The following STOX2 variants were observed in gnomAD, a reference collection of about 807,000 sequenced individuals.
STOX2 encodes storkhead-box protein 2.
Under a neutral mutation model 60.9 loss-of-function variants are expected in STOX2, and 28 were observed. The ratio of observed to expected loss-of-function variants is 0.46; its 90% CI spans 0.34 to 0.63. The LOEUF is 0.63. STOX2 is among the 30% of genes least tolerant of loss of function. The pLI, the probability that STOX2 is intolerant of heterozygous loss-of-function variation, is 0.01. For synonymous variants in STOX2, 472 were observed against 463.9 expected (o/e 1.02, Z -0.22); for missense variants, 1,024 against 1,187.7 (o/e 0.86, Z 2.03).
intron 1 of STOX2, among the ~76,000 whole-genome samples, chr4:183,814,766 G>A (rs1427095391): frequency 6.6e-6 from 1 of 152,090 alleles, no homozygotes; most frequent in Non-Finnish European, 1.5e-5. Context: ...TCCGTTTGTT[G>A]GGTACAACAC....
intron 1 of STOX2, among the ~76,000 whole-genome samples, chr4:183,986,364 A>G (rs1386741567): frequency 6.6e-6 from 1 of 152,248 alleles, no homozygotes; most frequent in Non-Finnish European, 1.5e-5. Context: ...CAGATAGTCC[A>G]GGACAGGGAG....
intron 3 of STOX2, among the ~76,000 whole-genome samples, chr4:184,013,177 T>G (rs1308321178): frequency 6.6e-6 from 1 of 152,198 alleles, no homozygotes; most frequent in Non-Finnish European, 1.5e-5. Context: ...TAAGGAGACA[T>G]TGGGAGTAGT....
intron 1 of STOX2, chr4:183,798,884 C>A: frequency 5.0e-6 from 2 of 400,158 alleles, no homozygotes; most frequent in Non-Finnish European, 6.1e-6. Flanking sequence ...GAGTTTTGTA[C>A]TTTGGGTTTT....
chr4:183,833,164 T>C (rs1424913377), intron 1 of STOX2, among the ~76,000 whole-genome samples: 4 of 152,226 alleles, frequency 2.6e-5, no homozygotes, highest in Non-Finnish European at 5.9e-5. Flanking sequence ...GACAGTTCTT[T>C]TTTTATTGCC....
At chr4:183,877,118 T>TA in intron 1 of STOX2, among the ~76,000 whole-genome samples, 1 of 152,232 alleles carries the variant, frequency 6.6e-6, no homozygotes, top group Admixed American at 6.5e-5. Flanking sequence ...GGACCAAAAC[T>TA]AAAAAAATTA....
intron 1 of STOX2, among the ~76,000 whole-genome samples, chr4:183,936,603 T>A (rs1742598866): frequency 6.6e-6 from 1 of 152,122 alleles, no homozygotes; most frequent in Non-Finnish European, 1.5e-5. Context: ...CTGAAGAGAA[T>A]AAATGAAAAA....
chr4:183,821,330 GTC>G lies in STOX2; in HGVS notation c.364+23277_364+23278del, dbSNP rs1739299293. 6.6e-6 allele frequency among the ~76,000 whole-genome samples: 1 copy of G among 152,156 alleles called. No homozygotes were observed. Among genetic ancestry groups the G allele is most frequent in the Non-Finnish European group, 1.5e-5 (1 of 68,034 alleles). ...AGATAATGGCTTTATTTTCCTCCCT[GTC>G]TTAATAGGTGGAAGCCTGTGCTAGC... On this transcript the variant is annotated intron_variant, in intron 1 of 2. Coordinates refer to the STOX2 transcript ENST00000513034. This position sits in a 1 kb window ranked among gnomAD's most constrained non-coding sequence, Gnocchi z 4.2.
chr4:183,835,227 ATT>A (rs766369744), intron 1 of STOX2, among the ~76,000 whole-genome samples: 4 of 142,270 alleles, frequency 2.8e-5, no homozygotes, highest in East Asian at 2.0e-4. Context: ...CAACCAATAG[ATT>A]TTTTTTTTTT....
At chr4:183,994,571 A>G (rs1204413965) in intron 1 of STOX2, among the ~76,000 whole-genome samples, 2 of 152,248 alleles carry the variant, frequency 1.3e-5, no homozygotes, top group Non-Finnish European at 2.9e-5. Flanking sequence ...TTATGCCAGA[A>G]TTCTGCTGCA....
chr4:183,874,196 G>A (rs1400293678), intron 1 of STOX2, among the ~76,000 whole-genome samples: 2 of 152,174 alleles, frequency 1.3e-5, no homozygotes, highest in Non-Finnish European at 2.9e-5. Context: ...TCACGGATGT[G>A]TCCAACCCAC....
chr4:183,902,170 A>G (rs1214561535), upstream of STOX2, among the ~76,000 whole-genome samples: 1 of 152,216 alleles, frequency 6.6e-6, no homozygotes, highest in Non-Finnish European at 1.5e-5. Flanking sequence ...AATAAGACAG[A>G]AAATATCCCT....
intron 1 of STOX2, among the ~76,000 whole-genome samples, chr4:183,851,129 G>A (rs866125430): frequency 0.31 from 5,169 of 16,436 alleles, 208 homozygotes; most frequent in Admixed American, 0.38. Flanking sequence ...AAAGGATGAG[G>A]GAAACGATGA....
intron 1 of STOX2, among the ~76,000 whole-genome samples, chr4:183,941,358 A>G (rs1579445093): frequency 6.6e-6 from 1 of 152,214 alleles, no homozygotes; most frequent in East Asian, 1.9e-4. Flanking sequence ...ACCTGAGGTC[A>G]GGAGTTTGAG....
chr4:183,964,057 G>T (rs1314707219), intron 1 of STOX2, among the ~76,000 whole-genome samples: 1 of 152,170 alleles, frequency 6.6e-6, no homozygotes, highest in Non-Finnish European at 1.5e-5. Context: ...TTACAGGCGT[G>T]AGCCACCGCG....
chr4:183,902,684 C>T (rs73870950), upstream of STOX2, among the ~76,000 whole-genome samples: 5,302 of 152,244 alleles, frequency 0.035, 318 homozygotes, highest in African/African-American at 0.12. Context: ...ACAGGGAACT[C>T]CATTTTTCTT....
In STOX2 at chr4:183,964,713, G is replaced by A. The variant is rs147006346; in HGVS notation, c.167-36612G>A. Among the ~76,000 whole-genome samples, 1,044 of 152,234 alleles carry A rather than the reference G, an allele frequency of 6.9e-3. 7 individuals carry two copies. Among genetic ancestry groups the A allele is most frequent in the African/African-American group, 0.024 (1,011 of 41,514 alleles). On this transcript the variant is annotated intron_variant, in intron 1 of 3. Coordinates refer to ENST00000308497, the MANE Select transcript of STOX2 (RefSeq NM_020225.3). Reference sequence around the variant, plus strand: ...TTCTCCCACCTCAGGCTCCCAAGTAGCTGGGATTACAGGTGCATGCCACCA... The same window carrying A: ...TTCTCCCACCTCAGGCTCCCAAGTAACTGGGATTACAGGTGCATGCCACCA...
At chr4:183,887,911 TTTTG>T (rs938100851) in intron 1 of STOX2, among the ~76,000 whole-genome samples, 126 of 152,200 alleles carry the variant, frequency 8.3e-4, no homozygotes, top group African/African-American at 2.8e-3. Context: ...GCCCGGCTAA[TTTTG>T]TTTGTTTGTT....
chr4:184,014,404 C>G (rs1326430497), intron 3 of STOX2: 1 of 151,966 alleles, frequency 6.6e-6, no homozygotes, highest in Non-Finnish European at 1.5e-5. Context: ...CCAAAGGCTG[C>G]CAGGGGTATA....
At chr4:183,996,875 A>G (rs906785241) in intron 1 of STOX2, among the ~76,000 whole-genome samples, 4 of 152,204 alleles carry the variant, frequency 2.6e-5, no homozygotes, top group South Asian at 4.1e-4. Flanking sequence ...TTGCATGGGT[A>G]AACTTATTTG....
Sources: allele counts gnomAD v4.1 joint callset (sites outside exome capture counted in the v4.1 genomes callset), GRCh38; gene constraint gnomAD v4.1.1; non-coding constraint Gnocchi (gnomAD v3.1); transcripts MANE v1.5; gene names NCBI Gene and HGNC (gene_info 2026-07-23, HGNC 2026-07-21).